Variants in HPS1 observed in about 807,000 individuals in gnomAD.
HPS1 encodes BLOC-3 complex member HPS1.
Under a neutral mutation model 90.6 loss-of-function variants are expected in HPS1, and 59 were observed. That is an observed-to-expected ratio of 0.65 (90% CI 0.53 to 0.81). The LOEUF is 0.81. Ranked by LOEUF, HPS1 falls within the 30% of genes least tolerant of loss-of-function variation. The pLI is 0.00. For synonymous variants in HPS1, 388 were observed against 384.4 expected, an observed-to-expected ratio of 1.01 and a Z score of -0.11; for missense variants, 849 against 896.7, an observed-to-expected ratio of 0.95 and a Z score of 0.68.
At chr10:98,428,469 G>C (rs12240457) in intron 10 of HPS1, among the ~76,000 whole-genome samples, 4,988 of 152,270 alleles carry the variant, frequency 0.033, 266 homozygotes, top group African/African-American at 0.11. Flanking sequence ...GAGGCACACT[G>C]AACTCACCTG....
chr10:98,444,047 C>G (rs1236972777), intron 2 of HPS1, among the ~76,000 whole-genome samples: 2 of 151,530 alleles, frequency 1.3e-5, no homozygotes, highest in Non-Finnish European at 2.9e-5. Context: ...AAAAAACAAA[C>G]AAACAAACAA....
intron 8 of HPS1, among the ~76,000 whole-genome samples, chr10:98,430,112 C>T (rs547954574): frequency 1.4e-4 from 21 of 152,216 alleles, no homozygotes; most frequent in Non-Finnish European, 2.6e-4. Context: ...TCCAACCCAC[C>T]ACTACCCCTG....
At position 98,431,268 on chromosome 10, in the gene HPS1, G is replaced by T; in HGVS notation, c.531C>A (p.Pro177=). Reference sequence around the variant, plus strand: ...CCTCTATGCACAGCTCACAGAGCTGGGGGTGAATCAGTCGCTCCAGGGCCT... The same window carrying T: ...CCTCTATGCACAGCTCACAGAGCTGTGGGTGAATCAGTCGCTCCAGGGCCT... ...AVEALERLIH[P]QLCELCIEAL... Residue 177 remains proline (P), a synonymous_variant, in exon 7 of 20, where the codon CCC becomes CCA. Transcript: ENST00000361490. The T allele has an allele frequency of 6.2e-7, 1 of 1,613,862 alleles. No homozygotes were observed. The highest frequency in any genetic ancestry group is 2.2e-5 in the East Asian group (1 of 44,878).
In HPS1 at chr10:98,417,395, G is replaced by A; in HGVS notation, c.*169C>T. The A allele has an allele frequency of 1.7e-6, 1 of 598,000 alleles. No homozygotes were observed. The highest frequency in any genetic ancestry group is 3.0e-6 in the Non-Finnish European group (1 of 338,932). 37.0% of individuals were successfully genotyped at this position (598,000 alleles called of 1,614,324 possible). A position where few individuals can be genotyped will look rare whatever the true frequency, so the allele number is the denominator to read the frequency against. ...GGATCTGGGGCCTTGCTCAGTACCT[G>A]ACATGGAGGGTGGTCTAGGTGGGGT... is the stretch of plus-strand genomic sequence containing the variant. On this transcript the variant is annotated 3_prime_UTR_variant, in exon 20 of 20. Coordinates refer to ENST00000361490, the MANE Select transcript of HPS1 (RefSeq NM_000195.5). The surrounding 1 kb of genome is among the most constrained non-coding windows in gnomAD (Gnocchi z 4.2).
chr10:98,418,047 G>C (rs1264838773), intron 19 of HPS1, 128 bp downstream of exon 19: 1 of 706,484 alleles, frequency 1.4e-6, no homozygotes, highest in Non-Finnish European at 2.5e-6. Context: ...AGCCGGGAAG[G>C]TGTTCCCAGC....
At chr10:98,430,756 C>T (rs1846333573) in intron 7 of HPS1, 86 bp from the exon 8 acceptor site, 2 of 1,106,114 alleles carry the variant, frequency 1.8e-6, no homozygotes, top group Non-Finnish European at 1.3e-6. Context: ...GAGCCTGGCC[C>T]CTGCCCTCAA....
chr10:98,443,166 A>G lies in HPS1; in HGVS notation c.75T>C (p.Ser25=), dbSNP rs564492481. The change falls in exon 3 of 20, where the codon AGT becomes AGC. Residue 25 remains serine, a synonymous_variant. Transcript: ENST00000361490. Reference sequence around the variant, plus strand: ...CTGACTGCCCGAACTTCAGCCGGAGACTCTCTTCAAACTCCTGATCTGTCC... The same window carrying G: ...CTGACTGCCCGAACTTCAGCCGGAGGCTCTCTTCAAACTCCTGATCTGTCC... ...FYWTDQEFEE[S]LRLKFGQSEN... The G allele has an allele frequency of 4.3e-6, 7 of 1,613,210 alleles. No individual in the cohort carries two copies. The South Asian group carries it at 6.6e-5, about 15-fold the overall frequency.
chr10:98,417,676 C>A lies in HPS1; in HGVS notation c.1991G>T (p.Cys664Phe). The change falls in exon 20 of 20, where the codon TGC becomes TTC. Residue 664 changes from cysteine to phenylalanine, a missense_variant. Cys to Phe is a radical substitution (Grantham distance 205). Transcript: ENST00000361490. The surrounding 1 kb of genome is among the most constrained non-coding windows in gnomAD (Gnocchi z 4.2). ...CAGGTGCAGGGCCAGCAGCTCGTAG[C>A]ACCTGACAGCCTCGGTTGGGCGGTT... ...SKNRPTEAVR[C>F]YELLALHLSV... The A allele has an allele frequency of 6.2e-7, 1 of 1,613,854 alleles. No individual in the cohort carries two copies. Among genetic ancestry groups the A allele is most frequent in the Non-Finnish European group, 8.5e-7 (1 of 1,179,952 alleles).
chr10:98,422,639 A>G (rs1845043357), intron 16 of HPS1, 126 bp from the exon 17 acceptor site: 1 of 939,488 alleles, frequency 1.1e-6, no homozygotes, highest in Admixed American at 1.7e-5. Flanking sequence ...AGCAGCTTCC[A>G]TTTCAGCTAA....
At chr10:98,431,981 T>C (rs1846540098) in intron 6 of HPS1, among the ~76,000 whole-genome samples, 1 of 152,248 alleles carries the variant, frequency 6.6e-6, no homozygotes, top group African/African-American at 2.4e-5. Flanking sequence ...TTCACATGCA[T>C]AGCATAACTC....
At chr10:98,416,091 G>A (rs1207365787), downstream of HPS1, 1 of 152,340 alleles carries the variant, frequency 6.6e-6, no homozygotes, top group African/African-American at 2.4e-5. Flanking sequence ...TATTGGTAAC[G>A]AATCTCAGAA....
In HPS1 at chr10:98,444,303, T is replaced by G. The variant is rs189690892; in HGVS notation, c.-1+997A>C. On this transcript the variant is annotated intron_variant, in intron 2 of 19. Coordinates refer to ENST00000361490, the MANE Select transcript of HPS1 (RefSeq NM_000195.5). ...ACACCACACACTCTGTGCTTGATTA[T>G]GTAAGAAATGTCTTAACTATTCACC... Among the ~76,000 whole-genome samples, 426 of 151,870 alleles carry G rather than the reference T, an allele frequency of 2.8e-3. 2 individuals carry two copies. The highest frequency in any genetic ancestry group is 0.017 in the Middle Eastern group (5 of 294).
At chr10:98,430,534 T>C (rs1008166457) in intron 8 of HPS1, 37 bp downstream of exon 8, 1 of 1,505,756 alleles carries the variant, frequency 6.6e-7, no homozygotes, top group African/African-American at 1.4e-5. Flanking sequence ...ACTACCTCCC[T>C]AATGGCCTCC....
chr10:98,430,384 C>A (rs771158673), intron 8 of HPS1, among the ~76,000 whole-genome samples, 187 bp downstream of exon 8: 17 of 152,104 alleles, frequency 1.1e-4, no homozygotes, highest in Admixed American at 1.1e-3. Flanking sequence ...ACCCACTGGA[C>A]CATGTGCACT....
At chr10:98,427,404 G>A in intron 10 of HPS1, 140 bp from the exon 11 acceptor site, 1 of 701,324 alleles carries the variant, frequency 1.4e-6, no homozygotes, top group Non-Finnish European at 2.5e-6. Context: ...TGCTAATGTG[G>A]CTGGGGCAAC....
downstream of HPS1, chr10:98,415,205 CG>C: frequency 1.9e-6 from 3 of 1,550,750 alleles, no homozygotes; most frequent in Non-Finnish European, 1.7e-6. Flanking sequence ...GCCCTAGGCA[CG>C]GGGTGGAGCA....
Position 98,417,723 on chromosome 10 carries a change from C to G in HPS1, c.1944G>C (p.Lys648Asn), listed in dbSNP as rs747509119. The G allele has an allele frequency of 2.5e-6, 4 of 1,613,718 alleles. No homozygotes were observed. The highest frequency in any genetic ancestry group is 3.4e-6 in the Non-Finnish European group (4 of 1,179,858). The change falls in exon 20 of 20, where the codon AAG becomes AAC. Residue 648 changes from lysine (K) to asparagine (N), a missense_variant. Lys to Asn is a moderately conservative substitution (Grantham distance 94). Transcript: ENST00000361490. This position sits in a 1 kb window ranked among gnomAD's most constrained non-coding sequence, Gnocchi z 4.2. ...GGTTCTTGCTGTAGTAGCGCAGGAG[C>G]TTCCTGGGGAGGAAGGGGAGGATGG... ...IGMLGGDYYR[K>N]LLRYYSKNRP...
Position 98,443,162 on chromosome 10 carries a change from G to A in HPS1, c.79C>T (p.Arg27Trp), listed in dbSNP as rs747422528. 7.4e-6 allele frequency: 12 copies of A among 1,613,744 alleles called. No individual in the cohort carries two copies. Among genetic ancestry groups the A allele is most frequent in the East Asian group, 4.5e-5 (2 of 44,880 alleles). Residue 27 changes from arginine (R) to tryptophan (W), a missense_variant, in exon 3 of 20, where the codon CGG becomes TGG. Physicochemically the swap from Arg to Trp is moderately radical, Grantham distance 101. Transcript: ENST00000361490. Reference protein sequence around the residue: ...WTDQEFEESLRLKFGQSENEE... With the variant: ...WTDQEFEESLWLKFGQSENEE... Reference sequence around the variant, plus strand: ...TTCTCTGACTGCCCGAACTTCAGCCGGAGACTCTCTTCAAACTCCTGATCT... The same window carrying A: ...TTCTCTGACTGCCCGAACTTCAGCCAGAGACTCTCTTCAAACTCCTGATCT...
rs554630654 is a variant in HPS1 at position 98,416,907 on chromosome 10, G to A, written c.*657C>T. ...AATCCAAATCTCTGGGCCAGGGCCAGGGGCTTGAGAACCCCAGCCCTAGGG... is the reference window on the plus strand; with the variant it reads ...AATCCAAATCTCTGGGCCAGGGCCAAGGGCTTGAGAACCCCAGCCCTAGGG... On this transcript the variant is annotated 3_prime_UTR_variant, in exon 20 of 20. Coordinates refer to ENST00000361490, the MANE Select transcript of HPS1 (RefSeq NM_000195.5). 5.9e-5 allele frequency: 9 copies of A among 152,634 alleles called. No homozygotes were observed. The highest frequency in any genetic ancestry group is 2.0e-4 in the Admixed American group (3 of 15,310). 9.5% of individuals were successfully genotyped at this position (152,634 alleles called of 1,614,324 possible).
Sources: gnomAD v4.1 joint callset for allele counts (sites outside exome capture counted in the v4.1 genomes callset) on GRCh38, gnomAD v4.1.1 for gene constraint, Gnocchi (gnomAD v3.1) non-coding constraint, MANE v1.5 for transcripts, NCBI Gene and HGNC (gene_info 2026-07-23, HGNC 2026-07-21) for gene names.